PDZD2: variants seen among roughly 807,000 people sequenced by gnomAD.
PDZD2 encodes PDZ domain-containing protein 2.
Under a neutral mutation model 220.7 loss-of-function variants are expected in PDZD2, and 90 were observed. That is an observed-to-expected ratio of 0.41 (90% CI 0.34 to 0.49). PDZD2 has a LOEUF of 0.49. Ranked by LOEUF, PDZD2 falls within the 20% of genes least tolerant of loss-of-function variation. The pLI, the probability that PDZD2 is intolerant of heterozygous loss-of-function variation, is 0.28. For synonymous variants in PDZD2, 1,375 were observed against 1,450.5 expected (o/e 0.95, Z 1.18); for missense variants, 3,174 against 3,608.5 (o/e 0.88, Z 3.08).
chr5:31,833,422 G>A (rs1355428809), intron 2 of PDZD2, among the ~76,000 whole-genome samples: 2 of 151,954 alleles, frequency 1.3e-5, no homozygotes, highest in Non-Finnish European at 2.9e-5. Flanking sequence ...GAACTGAGAT[G>A]GTGCCACTGC....
At position 32,090,571 on chromosome 5, in the gene PDZD2, G is replaced by A. The variant is rs761908408; in HGVS notation, c.7123G>A (p.Gly2375Ser). ...SKPPIGRRSSGSIVSGSLGHP... is the reference protein window; with the variant it reads ...SKPPIGRRSSSSIVSGSLGHP... The stretch of plus-strand genomic sequence containing the variant: ...GCCTCCCATTGGGAGGCGGTCTTCC[G>A]GCAGCATTGTTTCCGGGAGCCTGGG... The change falls in exon 20 of 25, where the codon GGC (glycine) becomes AGC (serine). Residue 2375 changes from glycine to serine, a missense_variant. Gly to Ser is a moderately conservative substitution (Grantham distance 56, BLOSUM62 0). This residue lies in a region of PDZD2 where 631 missense variants were observed against 789.9 expected (regional missense o/e 0.80). Coordinates refer to ENST00000438447, the MANE Select transcript of PDZD2 (RefSeq NM_178140.4). This position sits in a 1 kb window ranked among gnomAD's most constrained non-coding sequence, Gnocchi z 4.3. The A allele has an allele frequency of 2.9e-5, 46 of 1,613,788 alleles. No individual in the cohort carries two copies. In the East Asian group the frequency reaches 4.7e-4, roughly 16 times the overall value.
At chr5:31,699,683 A>C (rs1330385060) in intron 1 of PDZD2, among the ~76,000 whole-genome samples, 1 of 151,980 alleles carries the variant, frequency 6.6e-6, no homozygotes, top group African/African-American at 2.4e-5. Flanking sequence ...GGCTCACTGC[A>C]ATCTCCACCT....
chr5:31,928,357 AT>A, intron 2 of PDZD2, among the ~76,000 whole-genome samples: 1 of 152,162 alleles, frequency 6.6e-6, no homozygotes, highest in East Asian at 1.9e-4. Flanking sequence ...TCTCAAACCC[AT>A]TTGACCACAG....
At chr5:31,863,759 A>G (rs559673581) in intron 2 of PDZD2, among the ~76,000 whole-genome samples, 1 of 152,332 alleles carries the variant, frequency 6.6e-6, no homozygotes, top group Admixed American at 6.5e-5. Flanking sequence ...CATTCCGTGG[A>G]AGTTTACACA....
At chr5:31,776,217 C>A (rs903398241) in intron 1 of PDZD2, among the ~76,000 whole-genome samples, 1 of 152,148 alleles carries the variant, frequency 6.6e-6, no homozygotes, top group African/African-American at 2.4e-5. Flanking sequence ...TCCCCTTCCC[C>A]ACTAACCTCA....
chr5:31,988,885 G>A (rs374272114), intron 3 of PDZD2, among the ~76,000 whole-genome samples: 28 of 152,218 alleles, frequency 1.8e-4, no homozygotes, highest in East Asian at 1.7e-3. Context: ...CCTCCTGTAG[G>A]AGGTCTCTGT....
chr5:31,717,853 A>T (rs1257707578), intron 1 of PDZD2, among the ~76,000 whole-genome samples: 1 of 152,136 alleles, frequency 6.6e-6, no homozygotes, highest in African/African-American at 2.4e-5. Flanking sequence ...CTTGCTTCAG[A>T]TGCTCTGTCG....
At chr5:31,703,453 A>G (rs905074589) in intron 1 of PDZD2, among the ~76,000 whole-genome samples, 4 of 152,112 alleles carry the variant, frequency 2.6e-5, no homozygotes, top group African/African-American at 9.7e-5. Context: ...AGGGAGGGGA[A>G]CATCACACAC....
intron 22 of PDZD2, among the ~76,000 whole-genome samples, chr5:32,097,772 T>C (rs376932220): frequency 1.3e-5 from 2 of 152,308 alleles, no homozygotes; most frequent in East Asian, 3.9e-4. Flanking sequence ...GAGGGTCACC[T>C]TCACTGCACG....
chr5:32,088,527 A>G lies in PDZD2; in HGVS notation c.5079A>G (p.Ala1693=), dbSNP rs1304740629. The change falls in exon 20 of 25, where the codon GCA becomes GCG. Residue 1693 remains alanine (A), a synonymous_variant. Coordinates refer to ENST00000438447, the MANE Select transcript of PDZD2 (RefSeq NM_178140.4). This position sits in a 1 kb window ranked among gnomAD's most constrained non-coding sequence, Gnocchi z 4.6. ...CACAGAACCACAGGCCCTCGTGTGC[A>G]GAAGAAACCACAGAAGTCACCAGCG... ...STSQNHRPSC[A]EETTEVTSAS... is the part of the protein sequence containing the mutation. 1 of 1,614,162 alleles carries G rather than the reference A, an allele frequency of 6.2e-7. No homozygotes were observed. The highest frequency in any genetic ancestry group is 1.3e-5 in the African/African-American group (1 of 75,068).
intron 2 of PDZD2, among the ~76,000 whole-genome samples, chr5:31,919,648 C>G (rs1744021063): frequency 6.7e-6 from 1 of 149,880 alleles, no homozygotes; most frequent in Non-Finnish European, 1.5e-5. Context: ...GCCCGGCCGT[C>G]TCTCTCTTAA....
intron 7 of PDZD2, among the ~76,000 whole-genome samples, chr5:32,043,989 C>T (rs764224003): frequency 4.6e-5 from 7 of 152,132 alleles, no homozygotes; most frequent in African/African-American, 7.2e-5. Flanking sequence ...TATTGTTCTC[C>T]TTCCATCTCA....
intron 2 of PDZD2, among the ~76,000 whole-genome samples, chr5:31,816,201 T>A (rs554049450): frequency 2.7e-5 from 4 of 148,966 alleles, no homozygotes; most frequent in African/African-American, 7.5e-5. Context: ...GGCAGGAGAA[T>A]GGCATGAACC....
chr5:31,942,547 G>A lies in PDZD2; in HGVS notation c.477-40608G>A, dbSNP rs1746295874. 2.0e-5 allele frequency among the ~76,000 whole-genome samples: 3 copies of A among 152,280 alleles called. 1 individual carries two copies. The South Asian group carries it at 6.2e-4, about 32-fold the overall frequency. ...TGCAGTGGTTCGATCCTAACTTGCT[G>A]TAACCTTGAACACCTGGGCTCAAGT... On this transcript the variant is annotated intron_variant, in intron 2 of 24. Transcript: ENST00000438447.
In PDZD2 at chr5:32,022,494, C is replaced by A. The variant is rs147081807; in HGVS notation, c.1407+12012C>A. ...AGTGCTGGGATTATAGGTATGAGCC[C>A]CCGCACCCAGCCATTTCTGTACTTT... On this transcript the variant is annotated intron_variant, in intron 6 of 24. Coordinates refer to ENST00000438447, the MANE Select transcript of PDZD2 (RefSeq NM_178140.4). 2.0e-3 allele frequency among the ~76,000 whole-genome samples: 308 copies of A among 151,916 alleles called. 1 individual carries two copies. Among genetic ancestry groups the A allele is most frequent in the Non-Finnish European group, 3.5e-3 (239 of 67,940 alleles).
intron 19 of PDZD2, among the ~76,000 whole-genome samples, chr5:32,078,185 A>G (rs879793773): frequency 1.3e-5 from 2 of 152,274 alleles, no homozygotes; most frequent in Middle Eastern, 3.4e-3. Context: ...CTTCCCACCC[A>G]TCAAAATCAC....
chr5:31,994,168 C>A (rs1751451188), intron 3 of PDZD2, among the ~76,000 whole-genome samples: 3 of 151,780 alleles, frequency 2.0e-5, no homozygotes, highest in African/African-American at 7.3e-5. Context: ...TAGGTGCCCA[C>A]CACCACGCCT....
In PDZD2 at chr5:32,090,413, A is replaced by G; in HGVS notation, c.6965A>G (p.Glu2322Gly). The G allele has an allele frequency of 6.2e-7, 1 of 1,614,200 alleles. No homozygotes were observed. The highest frequency in any genetic ancestry group is 8.5e-7 in the Non-Finnish European group (1 of 1,180,032). Residue 2322 changes from glutamate to glycine, a missense_variant, in exon 20 of 25, where the codon GAG (glutamate) becomes GGG (glycine). By Grantham distance (98) the Glu-to-Gly change is moderately conservative. Coordinates refer to ENST00000438447, the MANE Select transcript of PDZD2 (RefSeq NM_178140.4). This position sits in a 1 kb window ranked among gnomAD's most constrained non-coding sequence, Gnocchi z 4.3. ...IKVTRRHYCY[E>G]QNWPHESTSF... is the part of the protein sequence containing the mutation. ...GTCACCAGACGACACTACTGCTATG[A>G]GCAGAACTGGCCCCATGAATCTACC...
chr5:31,835,122 C>T (rs1756869813), intron 2 of PDZD2, among the ~76,000 whole-genome samples: 1 of 152,052 alleles, frequency 6.6e-6, no homozygotes, highest in Non-Finnish European at 1.5e-5. Context: ...AAAGAAAAAA[C>T]ATTCTGTATG....
Sources: gnomAD v4.1 joint callset for allele counts (sites outside exome capture counted in the v4.1 genomes callset) on GRCh38, gnomAD v4.1.1 for gene constraint, gnomAD v4.1.1 regional missense constraint, Gnocchi (gnomAD v3.1) non-coding constraint, MANE v1.5 for transcripts, NCBI Gene and HGNC (gene_info 2026-07-23, HGNC 2026-07-21) for gene names.